CTNNA2: variants seen among roughly 807,000 people sequenced by gnomAD.
CTNNA2 encodes catenin alpha 2.
CTNNA2 carries 42 observed loss-of-function variants against 101.0 expected under a neutral mutation model. The observed-to-expected ratio is 0.42, with a 90% CI of 0.32 to 0.54. The LOEUF (loss-of-function observed/expected upper bound fraction) is 0.54. Among genes scored for constraint, CTNNA2 ranks in the 20% least tolerant of loss-of-function variants. The pLI is 0.14. For synonymous variants in CTNNA2, 450 were observed against 456.4 expected, an observed-to-expected ratio of 0.99 and a Z score of 0.18; for missense variants, 871 against 1,223.1, an observed-to-expected ratio of 0.71 and a Z score of 4.29.
At chr2:80,370,986 G>A (rs996045344) in intron 7 of CTNNA2, among the ~76,000 whole-genome samples, 2 of 152,122 alleles carry the variant, frequency 1.3e-5, no homozygotes, top group East Asian at 1.9e-4. Context: ...GAGCAAAAAC[G>A]ATATGATCTA....
At chr2:79,816,351 T>C (rs544065689) in intron 3 of CTNNA2, among the ~76,000 whole-genome samples, 1 of 152,260 alleles carries the variant, frequency 6.6e-6, no homozygotes, top group East Asian at 1.9e-4. Context: ...GAGGAAATGC[T>C]TTCAACTTTT....
chr2:79,479,098 A>T (rs1437202585), intron 4 of CTNNA2, among the ~76,000 whole-genome samples: 1 of 152,134 alleles, frequency 6.6e-6, no homozygotes, highest in East Asian at 1.9e-4. Flanking sequence ...CCTTTTTTAC[A>T]TGGTCTAGTC....
chr2:79,218,332 TGTGTGTGTGTGTGTGTGTA>T lies in CTNNA2; in HGVS notation c.-406+20257_-406+20275del, dbSNP rs1441002081. Among the ~76,000 whole-genome samples, 550 of 77,900 alleles carry T rather than the reference TGTGTGTGTGTGTGTGTGTA, an allele frequency of 7.1e-3. 2 individuals are homozygous for T. The highest frequency in any genetic ancestry group is 0.02 in the African/African-American group (535 of 26,364). 51.1% of individuals were successfully genotyped at this position (77,900 alleles called of 152,430 possible). On this transcript the variant is annotated intron_variant, in intron 2 of 21. Transcript: ENST00000466387. ...AACTTTGTGTGTGTGTGTGTGTGTG[TGTGTGTGTGTGTGTGTGTA>T]TTTTTTTTTTTTTTAGAGACAGGAT...
chr2:79,951,979 C>G (rs1004188688), intron 7 of CTNNA2, among the ~76,000 whole-genome samples: 5 of 152,174 alleles, frequency 3.3e-5, no homozygotes, highest in African/African-American at 4.8e-5. Flanking sequence ...ATAGGCCATG[C>G]TGTTGCAGTC....
At chr2:79,919,828 G>A (rs1257663005) in intron 7 of CTNNA2, among the ~76,000 whole-genome samples, 1 of 152,160 alleles carries the variant, frequency 6.6e-6, no homozygotes, top group Admixed American at 6.5e-5. Context: ...ACTCTGAGAG[G>A]TATTTTTCTT....
At chr2:80,282,016 T>C (rs1022294558) in intron 7 of CTNNA2, among the ~76,000 whole-genome samples, 1 of 152,056 alleles carries the variant, frequency 6.6e-6, no homozygotes, top group Non-Finnish European at 1.5e-5. Context: ...AGGAAAAGCA[T>C]GTAAGTGCAG....
At chr2:79,615,936 A>G (rs535457821) in intron 1 of CTNNA2, among the ~76,000 whole-genome samples, 1 of 152,324 alleles carries the variant, frequency 6.6e-6, no homozygotes, top group East Asian at 1.9e-4. Context: ...TGTTTCCTCA[A>G]GTCAGCTTCC....
chr2:79,902,607 C>G (rs772257968), intron 6 of CTNNA2, among the ~76,000 whole-genome samples: 3 of 151,720 alleles, frequency 2.0e-5, no homozygotes, highest in Non-Finnish European at 4.4e-5. Flanking sequence ...GTTCAAGGAT[C>G]AGCAAATGTT....
intron 6 of CTNNA2, among the ~76,000 whole-genome samples, chr2:79,902,206 C>G (rs577814404): frequency 1.3e-5 from 2 of 152,112 alleles, no homozygotes; most frequent in Non-Finnish European, 2.9e-5. Context: ...TGATTAGCAT[C>G]GTGCATGCAG....
intron 9 of CTNNA2, among the ~76,000 whole-genome samples, chr2:80,507,331 T>C (rs572372759): frequency 6.6e-6 from 1 of 152,180 alleles, no homozygotes; most frequent in Non-Finnish European, 1.5e-5. Flanking sequence ...TTTTACTTTT[T>C]TTGAGAGTAG....
chr2:80,129,556 G>A (rs1702305526), intron 7 of CTNNA2, among the ~76,000 whole-genome samples: 1 of 152,128 alleles, frequency 6.6e-6, no homozygotes, highest in Admixed American at 6.6e-5. Flanking sequence ...TCTACTGTTG[G>A]TTCAGTTACC....
chr2:79,859,435 C>G (rs1213109201), intron 4 of CTNNA2, among the ~76,000 whole-genome samples: 1 of 151,940 alleles, frequency 6.6e-6, no homozygotes, highest in East Asian at 1.9e-4. Context: ...GAAGGTGGCC[C>G]CAATAAAGTA....
chr2:80,491,125 A>G (rs1687027629), intron 9 of CTNNA2, among the ~76,000 whole-genome samples: 1 of 152,226 alleles, frequency 6.6e-6, no homozygotes, highest in African/African-American at 2.4e-5. Flanking sequence ...GTGACCTGCC[A>G]TACTGCCAGC....
chr2:79,266,178 C>A lies in CTNNA2; in HGVS notation c.-405-46531C>A, dbSNP rs1674984138. On this transcript the variant is annotated intron_variant, in intron 2 of 21. Coordinates refer to the CTNNA2 transcript ENST00000466387. ...CTGGCCTGACTTCAAACTGCTAGTA[C>A]CTCCATTTTTTTGCATCTCTGGTTC... Among the ~76,000 whole-genome samples, 3 of 152,252 alleles carry A rather than the reference C, an allele frequency of 2.0e-5. No homozygotes were observed. The South Asian group carries it at 6.2e-4, about 32-fold the overall frequency.
At chr2:80,019,267 G>C (rs994409522) in intron 7 of CTNNA2, among the ~76,000 whole-genome samples, 3 of 152,136 alleles carry the variant, frequency 2.0e-5, no homozygotes, top group Non-Finnish European at 2.9e-5. Context: ...TGGGTGATTT[G>C]AATAATTTAA....
rs116264055 is a variant in CTNNA2 at position 79,393,325 on chromosome 2, G to A, written c.-135+19312G>A. On this transcript the variant is annotated intron_variant, in intron 4 of 21. Coordinates refer to the CTNNA2 transcript ENST00000466387. Reference sequence around the variant, plus strand: ...AAACAGCTTGGTAAGCAAAACCAGCGTCAAGTGCAAAGTTCTGCAAACTGT... The same window carrying A: ...AAACAGCTTGGTAAGCAAAACCAGCATCAAGTGCAAAGTTCTGCAAACTGT... Among the ~76,000 whole-genome samples the A allele has an allele frequency of 2.0e-3, 308 of 152,300 alleles. 1 individual carries two copies. The highest frequency in any genetic ancestry group is 6.6e-3 in the African/African-American group (273 of 41,576).
At chr2:79,893,284 T>C (rs1684435691) in intron 6 of CTNNA2, among the ~76,000 whole-genome samples, 2 of 152,166 alleles carry the variant, frequency 1.3e-5, no homozygotes, top group Admixed American at 1.3e-4. Flanking sequence ...CATGCCTCTC[T>C]TCTCTTCTGC....
intron 17 of CTNNA2, among the ~76,000 whole-genome samples, chr2:80,615,310 ACAAT>A (rs746915415): frequency 3.3e-5 from 5 of 151,588 alleles, no homozygotes; most frequent in Non-Finnish European, 5.9e-5. Context: ...CCAATGGCAA[ACAAT>A]CAGAGATTCA....
chr2:79,531,192 G>A lies in CTNNA2; in HGVS notation c.-6+17985G>A, dbSNP rs890699531. 4.9e-4 allele frequency among the ~76,000 whole-genome samples: 44 copies of A among 90,162 alleles called. No individual in the cohort carries two copies. In the South Asian group the frequency reaches 6.5e-3, roughly 13 times the overall value. The allele number at this position is 90,162 out of a possible 152,430, so 59.1% of individuals were successfully genotyped here. ...TTTTTATTTATTAGTAAATAGATACGCTCATATATATATATATATATATAT... is the reference window on the plus strand; with the variant it reads ...TTTTTATTTATTAGTAAATAGATACACTCATATATATATATATATATATAT... On this transcript the variant is annotated intron_variant, in intron 1 of 18. Transcript: ENST00000402739.
Sources: gnomAD v4.1 joint callset for allele counts (sites outside exome capture counted in the v4.1 genomes callset) on GRCh38, gnomAD v4.1.1 for gene constraint, MANE v1.5 for transcripts, NCBI Gene and HGNC (gene_info 2026-07-23, HGNC 2026-07-21) for gene names.